The following PCDHA9 variants were observed in gnomAD, a reference collection of about 807,000 sequenced individuals.
The protein encoded by PCDHA9 is protocadherin alpha-9.
PCDHA9 carries 62 observed loss-of-function variants against 62.0 expected under a neutral mutation model. The observed-to-expected ratio is 1.00, with a 90% confidence interval of 0.81 to 1.23. PCDHA9 has a LOEUF of 1.23. PCDHA9 is among the 50% of genes most tolerant of loss of function. The pLI is 0.00. For missense variants in PCDHA9, 1,205 were observed against 1,249.8 expected (o/e 0.96, Z 0.54); for synonymous variants, 557 against 567.6 (o/e 0.98, Z 0.27).
chr5:140,948,670 A>G (rs951520840), intron 1 of PCDHA9, among the ~76,000 whole-genome samples: 1 of 151,654 alleles, frequency 6.6e-6, no homozygotes. Context: ...TAGTGATAAC[A>G]TCTTTTTCAT....
In PCDHA9 at chr5:140,850,228, G is replaced by A. The variant is rs199589192; in HGVS notation, c.1733G>A (p.Ser578Asn). 517 of 1,593,874 alleles carry A rather than the reference G, an allele frequency of 3.2e-4. 25 individuals are homozygous for A. In the South Asian group the frequency reaches 5.4e-3, roughly 17 times the overall value. The change falls in exon 1 of 4, where the codon AGC becomes AAC. Residue 578 changes from serine (S) to asparagine (N), a missense_variant. By Grantham distance (46) the Ser-to-Asn change is conservative. Around this residue, in one of 3 missense-constraint regions of PCDHA9, gnomAD observed 887 missense variants for 809.5 expected, o/e 1.10. Coordinates refer to ENST00000532602, the MANE Select transcript of PCDHA9 (RefSeq NM_031857.2). ...PRMRGTDGAVSEMVLRSVGAG... is the reference protein window; with the variant it reads ...PRMRGTDGAVNEMVLRSVGAG... ...ATGAGGGGCACTGACGGCGCAGTGA[G>A]CGAGATGGTGCTGCGGTCGGTGGGC...
At chr5:140,967,042 G>A (rs781848948) in intron 1 of PCDHA9, 1 of 1,611,904 alleles carries the variant, frequency 6.2e-7, no homozygotes, top group Admixed American at 1.7e-5. Flanking sequence ...ACCTGGAGCT[G>A]GACCTGACGA....
chr5:140,924,907 AAAAT>A (rs1563068966), intron 1 of PCDHA9, among the ~76,000 whole-genome samples: 53 of 50,956 alleles, frequency 1.0e-3, no homozygotes, highest in African/African-American at 2.1e-3. Flanking sequence ...AAAAAAAAAT[AAAAT>A]AAAATAAAAT....
rs111233751 is a variant in PCDHA9, at chr5:140,887,119, C to T, written c.2394+36230C>T. On this transcript the variant is annotated intron_variant, in intron 1 of 3. Transcript: ENST00000532602. ...TTTATCTCTTTTTTTTTTTTTGAGA[C>T]GGAGTCTCACTCTGTCGCCCAGGCT... 6.0e-3 allele frequency among the ~76,000 whole-genome samples: 904 copies of T among 149,504 alleles called. 4 individuals are homozygous for T. The highest frequency in any genetic ancestry group is 0.014 in the Middle Eastern group (4 of 294).
intron 1 of PCDHA9, among the ~76,000 whole-genome samples, chr5:140,874,556 C>T (rs1194980368): frequency 3.3e-5 from 5 of 152,178 alleles, no homozygotes; most frequent in African/African-American, 4.8e-5. Flanking sequence ...AGAGATCTTT[C>T]GCATTTTAGT....
At chr5:140,858,296 C>A in intron 1 of PCDHA9, 2 of 1,597,508 alleles carry the variant, frequency 1.3e-6, no homozygotes, top group Non-Finnish European at 1.7e-6. Flanking sequence ...GTCTTACTCG[C>A]AGCAGAGGCG....
intron 1 of PCDHA9, among the ~76,000 whole-genome samples, chr5:140,911,118 G>A (rs11955654): frequency 0.019 from 2,929 of 152,274 alleles, 39 homozygotes; most frequent in East Asian, 0.055. Flanking sequence ...AGCCATCACT[G>A]TTGCCTCAGG....
intron 1 of PCDHA9, among the ~76,000 whole-genome samples, chr5:140,894,646 C>A (rs1481747888): frequency 2.0e-5 from 3 of 151,766 alleles, no homozygotes; most frequent in African/African-American, 7.3e-5. Flanking sequence ...ATTACTGAGT[C>A]TCTCTAATTC....
chr5:140,917,329 G>T lies in PCDHA9; in HGVS notation c.2395-61620G>T, dbSNP rs543216216. Among the ~76,000 whole-genome samples the T allele has an allele frequency of 4.9e-5, 7 of 143,930 alleles. 1 individual carries two copies. The highest frequency in any genetic ancestry group is 1.6e-4 in the African/African-American group (6 of 37,952). The allele number at this position is 143,930 out of a possible 152,430, so 94.4% of individuals were successfully genotyped here. A position where few individuals can be genotyped will look rare whatever the true frequency, so the allele number is the denominator to read the frequency against. ...ACAATTTGGTGTTCATGTGGCGGGG[G>T]AGGGGGGGGATGGTGTAGGCTTCTG... On this transcript the variant is annotated intron_variant, in intron 1 of 3. Coordinates refer to ENST00000532602, the MANE Select transcript of PCDHA9 (RefSeq NM_031857.2).
chr5:140,910,142 A>T (rs535162246), intron 1 of PCDHA9, among the ~76,000 whole-genome samples: 1 of 152,326 alleles, frequency 6.6e-6, no homozygotes, highest in South Asian at 2.1e-4. Context: ...TTAAGTCTGG[A>T]AATTGATTGA....
intron 3 of PCDHA9, among the ~76,000 whole-genome samples, chr5:141,009,289 T>C (rs1474871800): frequency 1.4e-4 from 22 of 152,136 alleles, no homozygotes; most frequent in African/African-American, 5.1e-4. Context: ...ATCCCATTTC[T>C]ATAAAATTTT....
chr5:141,006,376 TAA>T (rs2098270900), intron 3 of PCDHA9, among the ~76,000 whole-genome samples: 1 of 151,996 alleles, frequency 6.6e-6, no homozygotes, highest in South Asian at 2.1e-4. Flanking sequence ...CACGCCCGGC[TAA>T]GTTTTTTCTA....
intron 1 of PCDHA9, among the ~76,000 whole-genome samples, chr5:140,959,117 G>A (rs2095468242): frequency 6.6e-6 from 1 of 152,174 alleles, no homozygotes; most frequent in South Asian, 2.1e-4. Flanking sequence ...CCGAAGGTGG[G>A]CGAGGTGAGC....
chr5:140,851,043 C>T (rs2041935214), intron 1 of PCDHA9, 154 bp downstream of exon 1: 7 of 1,389,064 alleles, frequency 5.0e-6, no homozygotes, highest in Middle Eastern at 2.1e-4. Flanking sequence ...ACATTGGAGC[C>T]GACTTTGTCT....
intron 1 of PCDHA9, chr5:140,967,197 AC>A: frequency 6.2e-7 from 1 of 1,613,542 alleles, no homozygotes; most frequent in Non-Finnish European, 8.5e-7. Context: ...ATCAACGACA[AC>A]TCACCGCGTT....
At chr5:140,867,147 C>G (rs1554160998) in intron 1 of PCDHA9, 1 of 152,068 alleles carries the variant, frequency 6.6e-6, no homozygotes, top group Non-Finnish European at 1.5e-5. Flanking sequence ...TATCATTTTT[C>G]CAGAGTAAAC....
intron 1 of PCDHA9, among the ~76,000 whole-genome samples, chr5:140,908,488 A>G (rs2073999089): frequency 6.6e-6 from 1 of 152,206 alleles, no homozygotes; most frequent in Non-Finnish European, 1.5e-5. Flanking sequence ...TAGGCAGTTC[A>G]GGTTGCTTGG....
In PCDHA9 at chr5:140,852,432, C is replaced by A. The variant is rs185141585; in HGVS notation, c.2394+1543C>A. ...AGCTGGGATTATAGGCACATGCCAC[C>A]GCGCCCAGCTAATTTTTGTATTTTT... On this transcript the variant is annotated intron_variant, in intron 1 of 3. Transcript: ENST00000532602. 4.7e-3 allele frequency: 847 copies of A among 180,880 alleles called. 56 individuals are homozygous for A. Among genetic ancestry groups the A allele is most frequent in the South Asian group, 0.036 (183 of 5,090 alleles). 11.2% of individuals were successfully genotyped at this position (180,880 alleles called of 1,614,324 possible).
chr5:140,887,101 C>CT (rs200717289), intron 1 of PCDHA9, among the ~76,000 whole-genome samples: 1,545 of 145,196 alleles, frequency 0.011, 15 homozygotes, highest in African/African-American at 0.022. Flanking sequence ...ATCTTTATCT[C>CT]TTTTTTTTTT....
Sources: allele counts gnomAD v4.1 joint callset (sites outside exome capture counted in the v4.1 genomes callset), GRCh38; gene constraint gnomAD v4.1.1; regional missense constraint gnomAD v4.1.1; transcripts MANE v1.5; gene names NCBI Gene and HGNC (gene_info 2026-07-23, HGNC 2026-07-21).